EFNA5: variants seen among roughly 807,000 people sequenced by gnomAD.
The protein encoded by EFNA5 is ephrin-A5.
In EFNA5, 5 loss-of-function variants were observed where a neutral mutation model predicts 22.9. The observed-to-expected ratio is 0.22, with a 90% confidence interval of 0.11 to 0.46. The LOEUF is 0.46. EFNA5 is among the 20% of genes least tolerant of loss of function. The probability of loss-of-function intolerance (pLI) is 0.99; values close to 1 mark genes in which losing one functional copy is unlikely to be tolerated. For missense variants in EFNA5, 237 were observed against 293.3 expected, an observed-to-expected ratio of 0.81 and a Z score of 1.40; for synonymous variants, 113 against 112.2, an observed-to-expected ratio of 1.01 and a Z score of -0.04.
chr5:107,464,870 C>A (rs1749931042), intron 1 of EFNA5, among the ~76,000 whole-genome samples: 1 of 152,284 alleles, frequency 6.6e-6, no homozygotes, highest in Admixed American at 6.5e-5. Flanking sequence ...GTTTCCAACT[C>A]TCCCTCCTCA....
intron 1 of EFNA5, among the ~76,000 whole-genome samples, chr5:107,529,389 G>C (rs886772697): frequency 2.0e-5 from 3 of 151,946 alleles, no homozygotes; most frequent in African/African-American, 7.3e-5. Flanking sequence ...AGCTGCCACC[G>C]TAGCCCAAAA....
chr5:107,440,329 G>A (rs57278898), intron 1 of EFNA5, among the ~76,000 whole-genome samples: 1 of 152,148 alleles, frequency 6.6e-6, no homozygotes, highest in East Asian at 1.9e-4. Flanking sequence ...CAATGACAGA[G>A]AATATAGTTG....
rs192998775 is a variant in EFNA5 at position 107,485,883 on chromosome 5, C to T, written c.126-58374G>A. Among the ~76,000 whole-genome samples the T allele has an allele frequency of 1.3e-3, 197 of 152,160 alleles. 1 individual carries two copies. Among genetic ancestry groups the T allele is most frequent in the Middle Eastern group, 0.01 (3 of 294 alleles). On this transcript the variant is annotated intron_variant, in intron 1 of 4. Coordinates refer to ENST00000333274, the MANE Select transcript of EFNA5 (RefSeq NM_001962.3). ...TTTTTTTAAGCTAGATCTTTGTGTGCTTATTTTCAACAGGGGATGACAATT... is the reference window on the plus strand; with the variant it reads ...TTTTTTTAAGCTAGATCTTTGTGTGTTTATTTTCAACAGGGGATGACAATT...
chr5:107,638,110 C>T (rs1484251436), intron 1 of EFNA5, among the ~76,000 whole-genome samples: 2 of 152,140 alleles, frequency 1.3e-5, no homozygotes, highest in East Asian at 3.9e-4. Flanking sequence ...ACCTTGGCCT[C>T]TCAAAGTGCT....
intron 1 of EFNA5, among the ~76,000 whole-genome samples, chr5:107,434,413 G>A (rs1258206558): frequency 6.6e-6 from 1 of 152,184 alleles, no homozygotes; most frequent in Non-Finnish European, 1.5e-5. Flanking sequence ...AGGCTGCAGA[G>A]GAGCAGCACC....
chr5:107,583,438 C>T (rs775861050), intron 1 of EFNA5, among the ~76,000 whole-genome samples: 10 of 152,262 alleles, frequency 6.6e-5, no homozygotes, highest in Non-Finnish European at 1.2e-4. Context: ...ATTTACTGAG[C>T]GTCGGCAAGG....
intron 1 of EFNA5, among the ~76,000 whole-genome samples, chr5:107,467,076 T>C (rs12518253): frequency 0.057 from 8,674 of 152,212 alleles, 289 homozygotes; most frequent in East Asian, 0.15. Flanking sequence ...TACATTTAAA[T>C]AGGTAATTAC....
chr5:107,459,676 C>A (rs112920239), intron 1 of EFNA5, among the ~76,000 whole-genome samples: 105 of 152,256 alleles, frequency 6.9e-4, no homozygotes, highest in African/African-American at 2.5e-3. Context: ...GTTTCTTCCT[C>A]TGCTCCACAG....
In EFNA5 at chr5:107,483,697, T is replaced by C. The variant is rs141153821; in HGVS notation, c.126-56188A>G. The stretch of plus-strand genomic sequence containing the variant: ...TTTATCTTAAAATACTGCTCACAAG[T>C]ATGACTTTTAAGAGAAATTGAACTT... On this transcript the variant is annotated intron_variant, in intron 1 of 4. Coordinates refer to ENST00000333274, the MANE Select transcript of EFNA5 (RefSeq NM_001962.3). Among the ~76,000 whole-genome samples, 18 of 152,342 alleles carry C rather than the reference T, an allele frequency of 1.2e-4. No individual in the cohort carries two copies. The East Asian group carries it at 3.1e-3, about 26-fold the overall frequency.
In EFNA5 at chr5:107,434,233, T is replaced by C. The variant is rs776597582; in HGVS notation, c.126-6724A>G. Reference sequence around the variant, plus strand: ...GTAAGTTCTCAACGTACTCTGACCCTGTCTCTTGGTTCCTCTTTACTAAGG... The same window carrying C: ...GTAAGTTCTCAACGTACTCTGACCCCGTCTCTTGGTTCCTCTTTACTAAGG... On this transcript the variant is annotated intron_variant, in intron 1 of 4. Coordinates refer to ENST00000333274, the MANE Select transcript of EFNA5 (RefSeq NM_001962.3). Among the ~76,000 whole-genome samples the C allele has an allele frequency of 5.6e-4, 85 of 152,356 alleles. 1 individual carries two copies. Among genetic ancestry groups the C allele is most frequent in the Middle Eastern group, 3.4e-3 (1 of 294 alleles).
chr5:107,558,993 A>G (rs927882856), intron 1 of EFNA5, among the ~76,000 whole-genome samples: 3 of 152,250 alleles, frequency 2.0e-5, no homozygotes, highest in Admixed American at 6.5e-5. Context: ...AACTGGAGGC[A>G]GAAATGAAGA....
chr5:107,644,840 T>A (rs978017563), intron 1 of EFNA5, among the ~76,000 whole-genome samples: 1 of 152,184 alleles, frequency 6.6e-6, no homozygotes, highest in Non-Finnish European at 1.5e-5. Context: ...TAGCTGGGAT[T>A]ACAGGCATGT....
chr5:107,641,009 T>C (rs772582972), intron 1 of EFNA5, among the ~76,000 whole-genome samples: 3 of 142,316 alleles, frequency 2.1e-5, no homozygotes, highest in Non-Finnish European at 4.7e-5. Context: ...GATAGATAGA[T>C]AGATAGATAG....
intron 1 of EFNA5, among the ~76,000 whole-genome samples, chr5:107,509,348 T>TCA (rs1483643536): frequency 6.6e-6 from 1 of 151,568 alleles, no homozygotes; most frequent in African/African-American, 2.4e-5. Context: ...AGGTGGAGTC[T>TCA]CACCCTGTCG....
At chr5:107,498,309 A>G (rs978685747) in intron 1 of EFNA5, among the ~76,000 whole-genome samples, 5 of 152,194 alleles carry the variant, frequency 3.3e-5, no homozygotes, top group Non-Finnish European at 7.3e-5. Context: ...ACCTTTTTTC[A>G]TAGCTCATAC....
intron 1 of EFNA5, among the ~76,000 whole-genome samples, chr5:107,461,317 T>C (rs1302606400): frequency 6.6e-6 from 1 of 152,106 alleles, no homozygotes; most frequent in Non-Finnish European, 1.5e-5. Context: ...AATATACACA[T>C]AGAGACAGAA....
At chr5:107,543,998 C>G (rs1398707108) in intron 1 of EFNA5, among the ~76,000 whole-genome samples, 2 of 152,204 alleles carry the variant, frequency 1.3e-5, no homozygotes, top group African/African-American at 4.8e-5. Context: ...GTGTTCTGGG[C>G]AGTCCAGGTA....
At chr5:107,443,667 A>T (rs1016668252) in intron 1 of EFNA5, among the ~76,000 whole-genome samples, 1 of 152,142 alleles carries the variant, frequency 6.6e-6, no homozygotes, top group Non-Finnish European at 1.5e-5. Flanking sequence ...CAATGAGAAC[A>T]CATGGACACA....
chr5:107,651,266 G>A (rs371854662), intron 1 of EFNA5, among the ~76,000 whole-genome samples: 1 of 152,202 alleles, frequency 6.6e-6, no homozygotes, highest in South Asian at 2.1e-4. Flanking sequence ...TCCCTCACAA[G>A]AGCTTTTGTC....
Sources: gnomAD v4.1 joint callset for allele counts (sites outside exome capture counted in the v4.1 genomes callset) on GRCh38, gnomAD v4.1.1 for gene constraint, MANE v1.5 for transcripts, NCBI Gene and HGNC (gene_info 2026-07-23, HGNC 2026-07-21) for gene names.